Variants in NSRP1 observed in about 807,000 individuals in gnomAD.
NSRP1 encodes the protein nuclear speckle splicing regulatory protein 1.
NSRP1 carries 24 observed loss-of-function variants against 54.7 expected under a neutral mutation model. The ratio of observed to expected loss-of-function variants is 0.44; its 90% CI spans 0.32 to 0.62. NSRP1 has a LOEUF of 0.62. NSRP1 is among the 20% of genes least tolerant of loss of function. The pLI is 0.06. For synonymous variants in NSRP1, 210 were observed against 213.8 expected (o/e 0.98, Z 0.15); for missense variants, 596 against 651.2 (o/e 0.92, Z 0.92).
intron 5 of NSRP1, among the ~76,000 whole-genome samples, chr17:30,179,725 A>G (rs1355172679): frequency 2.6e-5 from 4 of 152,236 alleles, no homozygotes; most frequent in African/African-American, 9.6e-5. Context: ...TTAGAAAAAG[A>G]ATAACATTAA....
chr17:30,162,076 C>CA (rs1312915809), intron 2 of NSRP1, among the ~76,000 whole-genome samples: 1 of 147,880 alleles, frequency 6.8e-6, no homozygotes, highest in Non-Finnish European at 1.5e-5. Flanking sequence ...GGCTGGAGTG[C>CA]AGTGGCGCAG....
At chr17:30,135,901 G>T (rs1431289563) in intron 2 of NSRP1, among the ~76,000 whole-genome samples, 1 of 151,526 alleles carries the variant, frequency 6.6e-6, no homozygotes, top group East Asian at 1.9e-4. Context: ...TCATTTTTTT[G>T]ATCATGGCCC....
At chr17:30,163,325 G>C (rs918285247) in intron 2 of NSRP1, among the ~76,000 whole-genome samples, 1 of 149,242 alleles carries the variant, frequency 6.7e-6, no homozygotes, top group African/African-American at 2.5e-5. Context: ...CACCCTCCTC[G>C]GCCTCCCAGA....
At chr17:30,144,317 G>A (rs1216299995) in intron 2 of NSRP1, among the ~76,000 whole-genome samples, 1 of 150,644 alleles carries the variant, frequency 6.6e-6, no homozygotes, top group Non-Finnish European at 1.5e-5. Flanking sequence ...CTGGAGTGGA[G>A]TGGCACAATC....
rs1441650578 is a variant in NSRP1, at chr17:30,180,933, A to G, written c.534A>G (p.Lys178=). ...CATGTTTGGATGTAACCAAGCAGAAAGATCTCAGTGGATTTTATAGGCACC... is the reference window on the plus strand; with the variant it reads ...CATGTTTGGATGTAACCAAGCAGAAGGATCTCAGTGGATTTTATAGGCACC... ...LEACLDVTKQ[K]DLSGFYRHLL... The change falls in exon 6 of 7, where the codon AAA becomes AAG. Residue 178 remains lysine (K), a synonymous_variant. Coordinates refer to ENST00000247026, the MANE Select transcript of NSRP1 (RefSeq NM_032141.4). The G allele has an allele frequency of 1.2e-6, 2 of 1,613,170 alleles. No individual in the cohort carries two copies. The highest frequency in any genetic ancestry group is 1.7e-5 in the Admixed American group (1 of 59,978).
At chr17:30,128,931 T>C (rs1393948325) in intron 2 of NSRP1, among the ~76,000 whole-genome samples, 3 of 151,780 alleles carry the variant, frequency 2.0e-5, no homozygotes, top group Non-Finnish European at 4.4e-5. Context: ...TTTTTTTTTT[T>C]TAATTTGTAG....
At chr17:30,163,249 T>TGTGTGTG (rs1567801752) in intron 2 of NSRP1, 31 of 113,802 alleles carry the variant, frequency 2.7e-4, no homozygotes, top group African/African-American at 1.2e-3. Context: ...GTGTGTGTGT[T>TGTGTGTG]TTTAGTAGAG....
chr17:30,122,857 A>G (rs1248152973), intron 2 of NSRP1, among the ~76,000 whole-genome samples: 1 of 151,974 alleles, frequency 6.6e-6, no homozygotes, highest in African/African-American at 2.4e-5. Context: ...GTGGTATCTC[A>G]TTGTGGCTTT....
Position 30,179,079 on chromosome 17 carries a change from T to G in NSRP1, c.301-11T>G, listed in dbSNP as rs1213162383. On this transcript the variant is annotated splice_polypyrimidine_tract_variant and intron_variant, in intron 4 of 6. Coordinates refer to ENST00000247026, the MANE Select transcript of NSRP1 (RefSeq NM_032141.4). ...TTTTACTCTTTTCCTAAATCTTTTTTATTTCCTTAGCCCAAGTATATTCAC... is the reference window on the plus strand; with the variant it reads ...TTTTACTCTTTTCCTAAATCTTTTTGATTTCCTTAGCCCAAGTATATTCAC... 6.9e-7 allele frequency: 1 copy of G among 1,447,216 alleles called. No individual in the cohort carries two copies. Among genetic ancestry groups the G allele is most frequent in the African/African-American group, 1.4e-5 (1 of 70,354 alleles). 89.6% of individuals were successfully genotyped at this position (1,447,216 alleles called of 1,614,324 possible).
At chr17:30,181,524 G>A (rs192882625) in intron 6 of NSRP1, among the ~76,000 whole-genome samples, 1 of 150,862 alleles carries the variant, frequency 6.6e-6, no homozygotes, top group Admixed American at 6.6e-5. Flanking sequence ...CAAGTAGCTG[G>A]GACTACAGGT....
chr17:30,172,473 G>A, intron 2 of NSRP1, 69 bp from the exon 3 acceptor site: 1 of 1,220,456 alleles, frequency 8.2e-7, no homozygotes, highest in Non-Finnish European at 1.2e-6. Context: ...ATTTTAGATA[G>A]GGGACGCTCG....
intron 2 of NSRP1, among the ~76,000 whole-genome samples, chr17:30,148,424 CAT>C (rs2071876650): frequency 1.3e-5 from 2 of 152,256 alleles, no homozygotes. Context: ...TGACAAATGA[CAT>C]ATTGAGACTA....
chr17:30,117,382 C>T lies in NSRP1; in HGVS notation c.20+519C>T, dbSNP rs780694673. ...TACGTTGCCGCAAAAGAGACAAATA[C>T]TGTACGTACTTGAAAGTTTTACCTT... On this transcript the variant is annotated intron_variant, in intron 1 of 6. Transcript: ENST00000247026. The T allele has an allele frequency of 3.8e-5, 18 of 479,704 alleles. No homozygotes were observed. The East Asian group carries it at 5.9e-4, about 16-fold the overall frequency. 29.7% of individuals were successfully genotyped at this position (479,704 alleles called of 1,614,324 possible).
chr17:30,124,026 G>A (rs2071627749), intron 2 of NSRP1, among the ~76,000 whole-genome samples: 1 of 152,078 alleles, frequency 6.6e-6, no homozygotes, highest in Admixed American at 6.6e-5. Context: ...GTACCCTCAT[G>A]CACTTTCGGA....
chr17:30,122,348 GTTTCATATATATATATATA>G (rs1333412060), intron 2 of NSRP1: 2 of 42,870 alleles, frequency 4.7e-5, no homozygotes, highest in African/African-American at 1.6e-4. Flanking sequence ...GATAACTCTG[GTTTCATATATATATATATA>G]TATATATATA....
chr17:30,185,590 T>C lies in NSRP1; in HGVS notation c.1593T>C (p.Thr531=). ...SKFAKRNNEE[T]VMSARDRYLA... is the part of the protein sequence containing the mutation. ...TTGCAAAGCGGAACAATGAAGAAAC[T>C]GTAATGTCAGCTAGAGACAGGTACT... Residue 531 remains threonine (T), a synonymous_variant, in exon 7 of 7, where the codon ACT becomes ACC. Coordinates refer to ENST00000247026, the MANE Select transcript of NSRP1 (RefSeq NM_032141.4). The C allele has an allele frequency of 1.2e-6, 2 of 1,614,056 alleles. No homozygotes were observed. Among genetic ancestry groups the C allele is most frequent in the South Asian group, 1.1e-5 (1 of 91,068 alleles).
rs188087283 is a variant in NSRP1, at chr17:30,162,722, A to G, written c.115-9820A>G. Among the ~76,000 whole-genome samples the G allele has an allele frequency of 3.4e-4, 52 of 152,304 alleles. No individual in the cohort carries two copies. The East Asian group carries it at 9.8e-3, about 29-fold the overall frequency. On this transcript the variant is annotated intron_variant, in intron 2 of 6. Coordinates refer to ENST00000247026, the MANE Select transcript of NSRP1 (RefSeq NM_032141.4). ...GGAATAATTATTTCTACAAAAAGAAAAAATTCAGAACCCTTTACTAAATTT... is the reference window on the plus strand; with the variant it reads ...GGAATAATTATTTCTACAAAAAGAAGAAATTCAGAACCCTTTACTAAATTT...
chr17:30,118,267 G>T lies in NSRP1; in HGVS notation c.114+94G>T, dbSNP rs1217245203. The T allele has an allele frequency of 4.4e-6, 4 of 910,060 alleles. No individual in the cohort carries two copies. The African/African-American group carries it at 6.6e-5, about 15-fold the overall frequency. The allele number at this position is 910,060 out of a possible 1,614,324, so 56.4% of individuals were successfully genotyped here. On this transcript the variant is annotated intron_variant, in intron 2 of 6. Coordinates refer to ENST00000247026, the MANE Select transcript of NSRP1 (RefSeq NM_032141.4). ...TCTGATACCTTTGCCTTTGTTATTT[G>T]TCAGTACAGTGGAGTATAATTTACA...
chr17:30,150,739 G>C (rs948544422), intron 2 of NSRP1: 2 of 126,360 alleles, frequency 1.6e-5, no homozygotes, highest in African/African-American at 5.8e-5. Context: ...CCAGGCTGGA[G>C]TTCAATGGCG....
Sources: allele counts gnomAD v4.1 joint callset (sites outside exome capture counted in the v4.1 genomes callset), GRCh38; gene constraint gnomAD v4.1.1; transcripts MANE v1.5; gene names NCBI Gene and HGNC (gene_info 2026-07-23, HGNC 2026-07-21).